Variants in PSPC1 observed in about 807,000 individuals in gnomAD.
PSPC1 encodes paraspeckle component 1, also known as paraspeckle protein 1.
A neutral mutation model predicts 51.6 loss-of-function variants in PSPC1; 14 were observed. The ratio of observed to expected loss-of-function variants is 0.27; its 90% confidence interval spans 0.18 to 0.42. The LOEUF is 0.42. Ranked by LOEUF, PSPC1 falls within the 10% of genes least tolerant of loss-of-function variation. PSPC1 has a pLI of 1.00. For synonymous variants in PSPC1, 193 were observed against 231.9 expected (o/e 0.83, Z 1.53); for missense variants, 406 against 701.1 (o/e 0.58, Z 4.75).
chr13:19,685,877 A>C lies in PSPC1; in HGVS notation c.1159-8054T>G, dbSNP rs1877813443. Among the ~76,000 whole-genome samples the C allele has an allele frequency of 2.6e-5, 4 of 152,238 alleles. No individual in the cohort carries two copies. The South Asian group carries it at 8.3e-4, about 32-fold the overall frequency. The stretch of plus-strand genomic sequence containing the variant: ...TACTACAGCTGTGGGTTCCACAGAC[A>C]ACCTCCCTTTACATGTCTTCAGAGG... On this transcript the variant is annotated intron_variant and NMD_transcript_variant, in intron 6 of 7. Transcript: ENST00000471658.
intron 6 of PSPC1, among the ~76,000 whole-genome samples, chr13:19,716,139 T>A (rs1297386989): frequency 1.3e-5 from 2 of 152,220 alleles, no homozygotes; most frequent in Non-Finnish European, 2.9e-5. Context: ...CCCCAAGATA[T>A]CTCATTACAT....
chr13:19,757,599 T>C (rs898790200), intron 3 of PSPC1, among the ~76,000 whole-genome samples: 3 of 152,132 alleles, frequency 2.0e-5, no homozygotes, highest in East Asian at 1.9e-4. Context: ...ATCCTCTCCA[T>C]AGGACATACA....
intron 6 of PSPC1, among the ~76,000 whole-genome samples, chr13:19,684,746 G>A (rs556502794): frequency 1.3e-5 from 2 of 152,174 alleles, no homozygotes; most frequent in East Asian, 1.9e-4. Flanking sequence ...GTGCTAAGCC[G>A]AATCAGTGAT....
At chr13:19,742,893 A>C (rs1885576863) in intron 4 of PSPC1, among the ~76,000 whole-genome samples, 1 of 149,130 alleles carries the variant, frequency 6.7e-6, no homozygotes, top group Non-Finnish European at 1.5e-5. Flanking sequence ...ATTAGCATGA[A>C]ATTCCTCCCT....
chr13:19,766,973 A>G (rs1215428346), intron 2 of PSPC1, among the ~76,000 whole-genome samples: 1 of 152,020 alleles, frequency 6.6e-6, no homozygotes, highest in Non-Finnish European at 1.5e-5. Context: ...CAGGAGTTGA[A>G]GACCAGCCTG....
At chr13:19,761,255 G>A (rs1170961544) in intron 2 of PSPC1, among the ~76,000 whole-genome samples, 2 of 152,046 alleles carry the variant, frequency 1.3e-5, no homozygotes, top group Non-Finnish European at 2.9e-5. Flanking sequence ...GACAAGAGTG[G>A]GTAATGAAAG....
chr13:19,730,454 G>T, intron 5 of PSPC1, 110 bp from the exon 6 acceptor site: 1 of 976,556 alleles, frequency 1.0e-6, no homozygotes, highest in Non-Finnish European at 1.6e-6. Context: ...TGCCAAACCT[G>T]TAATCACGAC....
chr13:19,682,203 G>T (rs766825940), intron 6 of PSPC1, among the ~76,000 whole-genome samples: 2 of 152,084 alleles, frequency 1.3e-5, no homozygotes, highest in Non-Finnish European at 2.9e-5. Context: ...ACAACTAGAT[G>T]ATGTTTTAAT....
downstream of PSPC1, among the ~76,000 whole-genome samples, chr13:19,671,623 T>C (rs1876131630): frequency 6.6e-6 from 1 of 152,184 alleles, no homozygotes; most frequent in Non-Finnish European, 1.5e-5. Context: ...CTGGACAAAA[T>C]AGTCTCTCTA....
downstream of PSPC1, among the ~76,000 whole-genome samples, chr13:19,701,395 C>A (rs1459656674): frequency 1.3e-5 from 2 of 151,238 alleles, no homozygotes; most frequent in African/African-American, 4.9e-5. Flanking sequence ...ACTCCCCATA[C>A]CCCAATTAAT....
rs1884023504 is a variant in PSPC1, at chr13:19,730,969, A to AAAAAAAAAAAAAAAAAAAAAAAAAC, written c.1053-626_1053-625insGTTTTTTTTTTTTTTTTTTTTTTTT. Among the ~76,000 whole-genome samples the AAAAAAAAAAAAAAAAAAAAAAAAAC allele has an allele frequency of 1.4e-5, 2 of 146,606 alleles. 1 individual carries two copies. The highest frequency in any genetic ancestry group is 3.0e-5 in the Non-Finnish European group (2 of 66,178). On this transcript the variant is annotated intron_variant, in intron 5 of 8. Transcript: ENST00000338910. ...CAGAAAAAAAAAACAAAAAAACAAAAAAAAAAAAAACAGAAAAAGTCTGAG... is the reference window on the plus strand; with the variant it reads ...CAGAAAAAAAAAACAAAAAAACAAAAAAAAAAAAAAAAAAAAAAAAAAAACAAAAAAAAAACAGAAAAAGTCTGAG...
At chr13:19,774,612 G>A (rs2138329320) in intron 1 of PSPC1, among the ~76,000 whole-genome samples, 1 of 150,084 alleles carries the variant, frequency 6.7e-6, no homozygotes. Context: ...CCGGCCTCCT[G>A]GCCAACATGG....
At chr13:19,722,549 T>G (rs1490737513) in intron 6 of PSPC1, among the ~76,000 whole-genome samples, 2 of 152,084 alleles carry the variant, frequency 1.3e-5, no homozygotes, top group African/African-American at 4.8e-5. Context: ...ATCCCAACAC[T>G]TTGGGAGGCT....
At chr13:19,715,047 T>C (rs1881930106) in intron 6 of PSPC1, among the ~76,000 whole-genome samples, 1 of 152,146 alleles carries the variant, frequency 6.6e-6, no homozygotes, top group Admixed American at 6.5e-5. Flanking sequence ...TTCTTCCCAC[T>C]ACACTAAAGG....
intron 2 of PSPC1, among the ~76,000 whole-genome samples, chr13:19,768,955 C>A (rs1215813983): frequency 6.9e-6 from 1 of 145,630 alleles, no homozygotes; most frequent in Non-Finnish European, 1.5e-5. Context: ...GCCAACGTGG[C>A]GAAACCCCAT....
chr13:19,707,349 A>G (rs986507852), intron 7 of PSPC1, among the ~76,000 whole-genome samples: 1 of 152,216 alleles, frequency 6.6e-6, no homozygotes, highest in Non-Finnish European at 1.5e-5. Flanking sequence ...ATAAATTTAA[A>G]GATATAAAAA....
rs777623914 is a variant in PSPC1, at chr13:19,741,639, C to T, written c.978G>A (p.Arg326=). The change falls in exon 5 of 9, where the codon AGG becomes AGA. Residue 326 remains arginine (R), a synonymous_variant. Coordinates refer to ENST00000338910, the MANE Select transcript of PSPC1 (RefSeq NM_001354909.2). ...CCAAGCGTCTGAGTTCTTCTTGACGCCTCATTAGATCTATAAAATAATGAC... is the reference window on the plus strand; with the variant it reads ...CCAAGCGTCTGAGTTCTTCTTGACGTCTCATTAGATCTATAAAATAATGAC... The part of the protein sequence containing the change: ...QLMLMRQDLM[R]RQEELRRLEE... The T allele has an allele frequency of 1.3e-6, 2 of 1,595,250 alleles. No homozygotes were observed. Among genetic ancestry groups the T allele is most frequent in the Non-Finnish European group, 1.7e-6 (2 of 1,168,734 alleles).
At position 19,782,839 on chromosome 13, in the gene PSPC1, A is replaced by C. The variant is rs984708180; in HGVS notation, c.-82T>G. On this transcript the variant is annotated 5_prime_UTR_variant, in exon 1 of 9. Transcript: ENST00000338910. This position sits in a 1 kb window ranked among gnomAD's most constrained non-coding sequence, Gnocchi z 4.5. ...TATATATATGTATACGTCTCTACATAAACCTATGCCAACAAAATATCGACA... is the reference window on the plus strand; with the variant it reads ...TATATATATGTATACGTCTCTACATCAACCTATGCCAACAAAATATCGACA... The C allele has an allele frequency of 1.5e-5, 20 of 1,363,002 alleles. No individual in the cohort carries two copies. The Admixed American group carries it at 2.1e-4, about 14-fold the overall frequency. The allele number at this position is 1,363,002 out of a possible 1,614,324, so 84.4% of individuals were successfully genotyped here.
At chr13:19,688,250 C>T (rs1878156812) in intron 6 of PSPC1, among the ~76,000 whole-genome samples, 1 of 152,092 alleles carries the variant, frequency 6.6e-6, no homozygotes, top group Admixed American at 6.5e-5. Flanking sequence ...CATGTGTAAT[C>T]CGTCAAGGTA....
Sources: allele counts gnomAD v4.1 joint callset (sites outside exome capture counted in the v4.1 genomes callset), GRCh38; gene constraint gnomAD v4.1.1; non-coding constraint Gnocchi (gnomAD v3.1); transcripts MANE v1.5; gene names NCBI Gene and HGNC (gene_info 2026-07-23, HGNC 2026-07-21).